RBM47: variants seen among roughly 807,000 people sequenced by gnomAD.
The protein encoded by RBM47 is RNA binding motif protein 47, also known as RNA-binding protein 47.
In RBM47, 21 loss-of-function variants were observed where a neutral mutation model predicts 47.1. That is an observed-to-expected ratio of 0.45 (90% CI 0.32 to 0.64). The LOEUF (loss-of-function observed/expected upper bound fraction) is 0.64. Ranked by LOEUF, RBM47 falls within the 30% of genes least tolerant of loss-of-function variation. The pLI, the probability that RBM47 is intolerant of heterozygous loss-of-function variation, is 0.05. For synonymous variants in RBM47, 375 were observed against 361.7 expected (o/e 1.04, Z -0.42); for missense variants, 708 against 870.9 (o/e 0.81, Z 2.35).
At chr4:40,523,058 G>T (rs563575046) in intron 2 of RBM47, among the ~76,000 whole-genome samples, 1 of 150,240 alleles carries the variant, frequency 6.7e-6, no homozygotes, top group Non-Finnish European at 1.5e-5. Context: ...CTCTGCCTCC[G>T]GGGTTCAAGC....
At chr4:40,540,206 A>G (rs769556671) in intron 2 of RBM47, among the ~76,000 whole-genome samples, 2 of 152,126 alleles carry the variant, frequency 1.3e-5, no homozygotes, top group African/African-American at 2.4e-5. Context: ...CCCCAATCTA[A>G]ACACTTTACA....
At chr4:40,606,156 T>C (rs1484943426) in intron 1 of RBM47, among the ~76,000 whole-genome samples, 1 of 149,912 alleles carries the variant, frequency 6.7e-6, no homozygotes, top group Non-Finnish European at 1.5e-5. Context: ...CAAGATCACG[T>C]TACTGCACTC....
At chr4:40,576,046 C>G (rs529807116) in intron 1 of RBM47, among the ~76,000 whole-genome samples, 9 of 152,178 alleles carry the variant, frequency 5.9e-5, no homozygotes, top group Non-Finnish European at 1.3e-4. Context: ...TCCTTTGGAT[C>G]GGACACTGGG....
At chr4:40,427,625 T>C (rs975663515) in intron 6 of RBM47, 2 of 152,208 alleles carry the variant, frequency 1.3e-5, no homozygotes, top group Admixed American at 1.3e-4. Flanking sequence ...TGGTAGTAAA[T>C]GCTGGTATGG....
chr4:40,442,915 C>G (rs1713877807), intron 3 of RBM47, among the ~76,000 whole-genome samples: 1 of 152,190 alleles, frequency 6.6e-6, no homozygotes, highest in Admixed American at 6.5e-5. Context: ...CTCAGGTGCT[C>G]TGCCCGCCTC....
chr4:40,510,454 C>T (rs1458970230), intron 2 of RBM47, among the ~76,000 whole-genome samples: 1 of 152,136 alleles, frequency 6.6e-6, no homozygotes, highest in Non-Finnish European at 1.5e-5. Context: ...GCAAGTTAGA[C>T]ACTTGTGATC....
At chr4:40,426,845 T>G (rs1715130934) in intron 6 of RBM47, 1 of 152,264 alleles carries the variant, frequency 6.6e-6, no homozygotes, top group African/African-American at 2.4e-5. Flanking sequence ...TTCTCTGTAC[T>G]GTATTCCGGA....
intron 2 of RBM47, among the ~76,000 whole-genome samples, chr4:40,512,115 A>C (rs1725010486): frequency 1.3e-5 from 2 of 152,054 alleles, no homozygotes; most frequent in Non-Finnish European, 2.9e-5. Context: ...ACACAGGCTC[A>C]ATCTACTTTA....
At chr4:40,574,914 C>A (rs1732144945) in intron 1 of RBM47, among the ~76,000 whole-genome samples, 1 of 152,042 alleles carries the variant, frequency 6.6e-6, no homozygotes, top group South Asian at 2.1e-4. Context: ...ATGAAGAGAA[C>A]ATCAGATAGG....
chr4:40,460,743 T>A (rs972617836), intron 3 of RBM47, among the ~76,000 whole-genome samples: 1 of 150,786 alleles, frequency 6.6e-6, no homozygotes, highest in Non-Finnish European at 1.5e-5. Flanking sequence ...CAAAAGTTAG[T>A]CAGGCATGGT....
intron 2 of RBM47, among the ~76,000 whole-genome samples, chr4:40,510,843 G>A (rs1213308935): frequency 3.3e-5 from 5 of 152,136 alleles, no homozygotes; most frequent in African/African-American, 7.2e-5. Flanking sequence ...AGGCTGAGAC[G>A]GGTGGATCAT....
At chr4:40,476,013 C>A (rs1017264212) in intron 2 of RBM47, among the ~76,000 whole-genome samples, 22 of 152,098 alleles carry the variant, frequency 1.4e-4, no homozygotes, top group African/African-American at 4.8e-4. Context: ...TTTGCCACTT[C>A]ATAGAGGACA....
chr4:40,575,021 C>T (rs1196235152), intron 1 of RBM47, among the ~76,000 whole-genome samples: 1 of 152,072 alleles, frequency 6.6e-6, no homozygotes, highest in Non-Finnish European at 1.5e-5. Context: ...CATTTGGGTC[C>T]CCAAGAAGTT....
chr4:40,626,400 G>C (rs4535365), intron 1 of RBM47, among the ~76,000 whole-genome samples: 1 of 152,164 alleles, frequency 6.6e-6, no homozygotes, highest in African/African-American at 2.4e-5. Context: ...CAGTACACTA[G>C]GAACATTTGA....
At chr4:40,496,186 C>T (rs542326987) in intron 2 of RBM47, among the ~76,000 whole-genome samples, 1 of 152,320 alleles carries the variant, frequency 6.6e-6, no homozygotes, top group South Asian at 2.1e-4. Context: ...GACTTTTTGA[C>T]TAGGGTTGAA....
intron 3 of RBM47, among the ~76,000 whole-genome samples, chr4:40,459,406 A>C (rs866640163): frequency 5.3e-5 from 8 of 152,130 alleles, no homozygotes; most frequent in Admixed American, 5.2e-4. Context: ...CTATTTACTA[A>C]GTTTTGTGGG....
At chr4:40,571,197 G>C (rs561682156) in intron 1 of RBM47, among the ~76,000 whole-genome samples, 1 of 151,644 alleles carries the variant, frequency 6.6e-6, no homozygotes, top group Non-Finnish European at 1.5e-5. Flanking sequence ...GCCTGAGTGA[G>C]AGAGTGAGAC....
chr4:40,525,517 G>T (rs544853949), intron 2 of RBM47, among the ~76,000 whole-genome samples: 1 of 152,200 alleles, frequency 6.6e-6, no homozygotes, highest in African/African-American at 2.4e-5. Context: ...TTTTTGTTTT[G>T]TAAATCTGGA....
At chr4:40,544,094 T>G (rs1454448618) in intron 2 of RBM47, 1 of 152,156 alleles carries the variant, frequency 6.6e-6, no homozygotes, top group Non-Finnish European at 1.5e-5. Flanking sequence ...TTCTAGTTGA[T>G]GATATGCAGT....
Sources: allele counts gnomAD v4.1 joint callset (sites outside exome capture counted in the v4.1 genomes callset), GRCh38; gene constraint gnomAD v4.1.1; transcripts MANE v1.5; gene names NCBI Gene and HGNC (gene_info 2026-07-23, HGNC 2026-07-21).